Variants in ICA1 observed in about 807,000 individuals in gnomAD.
ICA1 encodes islet cell autoantigen 1.
A neutral mutation model predicts 71.0 loss-of-function variants in ICA1; 40 were observed. The observed-to-expected ratio is 0.56, with a 90% CI of 0.44 to 0.73. The LOEUF (loss-of-function observed/expected upper bound fraction) is 0.73. Among genes scored for constraint, ICA1 ranks in the 30% least tolerant of loss-of-function variants. The pLI is 0.00. For synonymous variants in ICA1, 207 were observed against 209.5 expected (o/e 0.99, Z 0.10); for missense variants, 578 against 576.5 (o/e 1.00, Z -0.03).
chr7:8,201,150 C>G (rs577114367), intron 6 of ICA1, among the ~76,000 whole-genome samples: 10 of 152,270 alleles, frequency 6.6e-5, no homozygotes, highest in African/African-American at 2.4e-4. Flanking sequence ...CCATTGCCAG[C>G]CTGAGACATA....
intron 6 of ICA1, among the ~76,000 whole-genome samples, chr7:8,211,971 G>T (rs1473357345): frequency 6.6e-6 from 1 of 152,260 alleles, no homozygotes; most frequent in East Asian, 1.9e-4. Context: ...TGACCTGTGG[G>T]CCATAGGTTA....
At chr7:8,217,353 G>A (rs1172450655) in intron 6 of ICA1, among the ~76,000 whole-genome samples, 1 of 152,110 alleles carries the variant, frequency 6.6e-6, no homozygotes, top group Non-Finnish European at 1.5e-5. Flanking sequence ...TATTCTTAAG[G>A]ACCAGAAGGT....
intron 6 of ICA1, among the ~76,000 whole-genome samples, chr7:8,207,379 G>T (rs539784807): frequency 1.8e-4 from 27 of 152,316 alleles, no homozygotes; most frequent in African/African-American, 6.3e-4. Context: ...CTGAACCCAT[G>T]TAAAATTGGC....
At chr7:8,135,348 A>T (rs1239989261) in intron 12 of ICA1, among the ~76,000 whole-genome samples, 1 of 152,086 alleles carries the variant, frequency 6.6e-6, no homozygotes, top group Non-Finnish European at 1.5e-5. Flanking sequence ...AGAAATCTTT[A>T]TAAGGGTAAA....
chr7:8,115,122 G>A (rs1562479531), intron 13 of ICA1: 1 of 152,220 alleles, frequency 6.6e-6, no homozygotes, highest in South Asian at 2.1e-4. Context: ...TTTATACTTC[G>A]GATTCCCCTC....
rs138483943 is a variant in ICA1, at chr7:8,260,900, C to G, written c.-80+1194G>C. Reference sequence around the variant, plus strand: ...GAACAGTTCAGATCTCAGATTCAAACCAGAGGGCCACAGAAACCAATTTGA... The same window carrying G: ...GAACAGTTCAGATCTCAGATTCAAAGCAGAGGGCCACAGAAACCAATTTGA... On this transcript the variant is annotated intron_variant, in intron 1 of 13. Transcript: ENST00000402384. Among the ~76,000 whole-genome samples the G allele has an allele frequency of 1.8e-3, 270 of 152,294 alleles. 3 individuals are homozygous for G. Among genetic ancestry groups the G allele is most frequent in the African/African-American group, 6.1e-3 (252 of 41,554 alleles).
At chr7:8,137,752 T>C (rs1793908247) in intron 12 of ICA1, among the ~76,000 whole-genome samples, 1 of 152,216 alleles carries the variant, frequency 6.6e-6, no homozygotes, top group Non-Finnish European at 1.5e-5. Context: ...CAGATATCTG[T>C]CCTCAAGTTT....
chr7:8,242,224 C>T (rs1229167255), intron 1 of ICA1, among the ~76,000 whole-genome samples: 2 of 152,196 alleles, frequency 1.3e-5, no homozygotes, highest in Non-Finnish European at 2.9e-5. Flanking sequence ...TCTCTCAGAC[C>T]ACAGTGCAAT....
chr7:8,239,579 G>A (rs566959601), intron 1 of ICA1, among the ~76,000 whole-genome samples: 11 of 152,310 alleles, frequency 7.2e-5, no homozygotes, highest in Non-Finnish European at 1.3e-4. Context: ...AGGGTGAGCC[G>A]AAACAGGGCA....
chr7:8,116,331 T>C (rs987859935), intron 13 of ICA1: 6 of 152,182 alleles, frequency 3.9e-5, no homozygotes, highest in African/African-American at 1.2e-4. Context: ...CAGTCTAATA[T>C]TCAAAACCAG....
chr7:8,145,967 GTA>G (rs1796750443), intron 8 of ICA1, among the ~76,000 whole-genome samples: 1 of 152,114 alleles, frequency 6.6e-6, no homozygotes, highest in Non-Finnish European at 1.5e-5. Flanking sequence ...TCTTCTCTGA[GTA>G]TATGTCCCCT....
intron 6 of ICA1, among the ~76,000 whole-genome samples, chr7:8,182,307 G>A (rs772636402): frequency 6.6e-6 from 1 of 152,156 alleles, no homozygotes; most frequent in Non-Finnish European, 1.5e-5. Flanking sequence ...TCAATTGCTT[G>A]ATTAATGTCT....
intron 4 of ICA1, among the ~76,000 whole-genome samples, chr7:8,224,923 G>A (rs904232519): frequency 6.6e-6 from 1 of 152,202 alleles, no homozygotes; most frequent in African/African-American, 2.4e-5. Flanking sequence ...ACACAATGGT[G>A]AAGTGTCTTT....
At chr7:8,253,407 A>G (rs1273457794) in intron 1 of ICA1, among the ~76,000 whole-genome samples, 1 of 152,242 alleles carries the variant, frequency 6.6e-6, no homozygotes, top group Non-Finnish European at 1.5e-5. Context: ...GTGGGCTACT[A>G]TAAGACCATC....
At chr7:8,141,683 G>A (rs1795280384) in intron 10 of ICA1, 82 bp downstream of exon 10, 1 of 855,718 alleles carries the variant, frequency 1.2e-6, no homozygotes, top group Admixed American at 2.7e-5. Context: ...CCTAGGAGGA[G>A]TTTGTCAAAA....
At chr7:8,245,403 C>T (rs1805591039) in intron 1 of ICA1, among the ~76,000 whole-genome samples, 1 of 117,750 alleles carries the variant, frequency 8.5e-6, no homozygotes, top group African/African-American at 3.5e-5. Flanking sequence ...ACACTGGGGC[C>T]TGTTGTGGGG....
chr7:8,145,047 A>G (rs1273606548), intron 8 of ICA1, among the ~76,000 whole-genome samples: 1 of 152,094 alleles, frequency 6.6e-6, no homozygotes, highest in Non-Finnish European at 1.5e-5. Flanking sequence ...TCTGCCATGG[A>G]CACCAGATGG....
intron 12 of ICA1, among the ~76,000 whole-genome samples, chr7:8,128,428 C>T (rs927599893): frequency 4.6e-5 from 7 of 152,184 alleles, no homozygotes; most frequent in Non-Finnish European, 7.4e-5. Flanking sequence ...TTTACCAAAA[C>T]ATTTCTCAGA....
chr7:8,193,509 A>G (rs1181306525), intron 6 of ICA1, among the ~76,000 whole-genome samples: 3 of 152,206 alleles, frequency 2.0e-5, no homozygotes, highest in Non-Finnish European at 4.4e-5. Context: ...TGCTAACTAG[A>G]GTTGAAAATT....
Sources: allele counts gnomAD v4.1 joint callset (sites outside exome capture counted in the v4.1 genomes callset), GRCh38; gene constraint gnomAD v4.1.1; transcripts MANE v1.5; gene names NCBI Gene and HGNC (gene_info 2026-07-23, HGNC 2026-07-21).